ITPK1: variants seen among roughly 807,000 people sequenced by gnomAD.
The protein encoded by ITPK1 is inositol 1,3,4-trisphosphate 5/6-kinase.
In ITPK1, 21 loss-of-function variants were observed where a neutral mutation model predicts 45.3. The ratio of observed to expected loss-of-function variants is 0.46; its 90% confidence interval spans 0.33 to 0.67. The LOEUF is 0.67. Ranked by LOEUF, ITPK1 falls within the 30% of genes least tolerant of loss-of-function variation. ITPK1 has a pLI of 0.02. For synonymous variants in ITPK1, 258 were observed against 253.6 expected, an observed-to-expected ratio of 1.02 and a Z score of -0.16; for missense variants, 474 against 573.5, an observed-to-expected ratio of 0.83 and a Z score of 1.77.
chr14:93,108,068 T>C (rs995672254), intron 2 of ITPK1, among the ~76,000 whole-genome samples: 3 of 151,818 alleles, frequency 2.0e-5, no homozygotes, highest in Non-Finnish European at 2.9e-5. Context: ...TGTGTGACCA[T>C]GGGCCAGTTC....
chr14:93,099,049 T>C (rs1892202857), intron 2 of ITPK1, among the ~76,000 whole-genome samples: 1 of 152,134 alleles, frequency 6.6e-6, no homozygotes, highest in Non-Finnish European at 1.5e-5. Context: ...GGCCCTGATA[T>C]ATGGAACATC....
At chr14:93,092,708 C>T (rs1452596898) in intron 2 of ITPK1, among the ~76,000 whole-genome samples, 1 of 152,216 alleles carries the variant, frequency 6.6e-6, no homozygotes, top group African/African-American at 2.4e-5. Flanking sequence ...GTGGGGAACC[C>T]AGCCAAAGCT....
At chr14:92,971,796 C>A (rs1885667117) in intron 5 of ITPK1, among the ~76,000 whole-genome samples, 1 of 152,216 alleles carries the variant, frequency 6.6e-6, no homozygotes, top group Non-Finnish European at 1.5e-5. Flanking sequence ...GGGGTGGTTG[C>A]AGGGACGCGG....
chr14:92,988,283 C>A (rs1186847187), intron 5 of ITPK1, among the ~76,000 whole-genome samples: 1 of 152,212 alleles, frequency 6.6e-6, no homozygotes, highest in Admixed American at 6.5e-5. Context: ...CAGGTGCACA[C>A]CAAGGGGTCG....
intron 10 of ITPK1, among the ~76,000 whole-genome samples, chr14:92,942,636 G>C (rs552289722): frequency 6.6e-6 from 1 of 152,346 alleles, no homozygotes; most frequent in South Asian, 2.1e-4. Context: ...ACAAGCTCCA[G>C]GGCGCAGCAT....
chr14:92,977,547 C>T (rs1231276006), intron 5 of ITPK1, among the ~76,000 whole-genome samples: 4 of 152,076 alleles, frequency 2.6e-5, no homozygotes, highest in Non-Finnish European at 4.4e-5. Flanking sequence ...TTCCCAGCAT[C>T]GGGGGAGGAC....
intron 2 of ITPK1, among the ~76,000 whole-genome samples, chr14:93,108,083 G>A (rs970314779): frequency 6.6e-6 from 1 of 152,138 alleles, no homozygotes; most frequent in Non-Finnish European, 1.5e-5. Context: ...CAGTTCTCGG[G>A]AGTCCCACAC....
At chr14:93,030,542 C>T (rs958655331) in intron 3 of ITPK1, among the ~76,000 whole-genome samples, 1 of 152,152 alleles carries the variant, frequency 6.6e-6, no homozygotes, top group Non-Finnish European at 1.5e-5. Context: ...TGAAGATGAC[C>T]GCCAGGTCCC....
rs534295732 is a variant in ITPK1, at chr14:93,066,344, G to GC, written c.120+10250_120+10251insG. The GC allele has an allele frequency of 3.0e-3, 1,322 of 438,840 alleles. 23 individuals are homozygous for GC. Among genetic ancestry groups the GC allele is most frequent in the African/African-American group, 0.023 (1,142 of 49,134 alleles). The allele number at this position is 438,840 out of a possible 1,614,324, so 27.2% of individuals were successfully genotyped here. Reference sequence around the variant, plus strand: ...TATGTGTGTGTGTGTGTGTGTGTAGGGGGCAGAGGCGTCTGCTGGGAAAGC... The same window carrying GC: ...TATGTGTGTGTGTGTGTGTGTGTAGGCGGGCAGAGGCGTCTGCTGGGAAAGC... On this transcript the variant is annotated intron_variant, in intron 3 of 10. Transcript: ENST00000267615.
intron 2 of ITPK1, among the ~76,000 whole-genome samples, chr14:93,098,048 G>A (rs1892152928): frequency 6.6e-6 from 1 of 152,130 alleles, no homozygotes; most frequent in Non-Finnish European, 1.5e-5. Context: ...GCTGGGCCAG[G>A]TGGCTCATGC....
rs1210542131 is a variant in ITPK1, at chr14:92,962,367, G to A, written c.492C>T (p.Thr164=). ...FICKTRVAHG[T]NSHEMAIVFN... is the part of the protein sequence containing the mutation. ...TTCTTCCACTCACCTCGTGAGAGTT[G>A]GTGCCATGAGCCACTCTGGTTTTGC... Residue 164 remains threonine, a synonymous_variant, in exon 7 of 11, where the codon ACC becomes ACT. Coordinates refer to ENST00000267615, the MANE Select transcript of ITPK1 (RefSeq NM_014216.6). 1 of 1,610,424 alleles carries A rather than the reference G, an allele frequency of 6.2e-7. No homozygotes were observed. The highest frequency in any genetic ancestry group is 1.7e-5 in the Admixed American group (1 of 60,008).
At chr14:92,972,186 C>T (rs757567586) in intron 5 of ITPK1, among the ~76,000 whole-genome samples, 1 of 152,250 alleles carries the variant, frequency 6.6e-6, no homozygotes, top group African/African-American at 2.4e-5. Flanking sequence ...CCTTTCCAGG[C>T]CTCCGCAGCC....
intron 4 of ITPK1, among the ~76,000 whole-genome samples, chr14:93,002,920 C>G (rs932444162): frequency 5.3e-5 from 8 of 152,208 alleles, no homozygotes; most frequent in African/African-American, 1.7e-4. Context: ...GGACCAGAGG[C>G]TCTGCATCTC....
At chr14:93,066,351 A>G in intron 3 of ITPK1, 3 of 430,088 alleles carry the variant, frequency 7.0e-6, no homozygotes, top group Non-Finnish European at 1.4e-5. Flanking sequence ...TAGGGGGCAG[A>G]GGCGTCTGCT....
intron 2 of ITPK1, among the ~76,000 whole-genome samples, chr14:93,096,855 T>C (rs1468832303): frequency 1.3e-5 from 2 of 151,978 alleles, no homozygotes; most frequent in East Asian, 3.9e-4. Context: ...CAGGCCCCAA[T>C]CCAGGAACAA....
intron 4 of ITPK1, among the ~76,000 whole-genome samples, chr14:93,013,516 A>G (rs1888022722): frequency 6.6e-6 from 1 of 152,004 alleles, no homozygotes; most frequent in Non-Finnish European, 1.5e-5. Flanking sequence ...CCTGAGGAAC[A>G]TCTCAGAAAT....
At chr14:93,112,203 G>A (rs905693934) in intron 2 of ITPK1, among the ~76,000 whole-genome samples, 1 of 152,102 alleles carries the variant, frequency 6.6e-6, no homozygotes, top group Non-Finnish European at 1.5e-5. Context: ...GCAATCTCAA[G>A]GTAGCCAGGT....
Position 93,014,161 on chromosome 14 carries a change from G to A in ITPK1, c.246+2515C>T, listed in dbSNP as rs2139850125. 1.3e-5 allele frequency among the ~76,000 whole-genome samples: 2 copies of A among 152,330 alleles called. No homozygotes were observed. The highest frequency in any genetic ancestry group is 3.9e-4 in the East Asian group (2 of 5,186). The stretch of plus-strand genomic sequence containing the variant: ...AATATCAGTGCTGGGAGGTTATGGT[G>A]AGGTCACGGCAACCATCCCCCAAGA... On this transcript the variant is annotated intron_variant, in intron 4 of 10. Transcript: ENST00000267615. This position sits in a 1 kb window ranked among gnomAD's most constrained non-coding sequence, Gnocchi z 4.4.
intron 4 of ITPK1, among the ~76,000 whole-genome samples, chr14:93,003,607 G>A (rs370525535): frequency 1.1e-4 from 16 of 152,332 alleles, no homozygotes; most frequent in Admixed American, 5.2e-4. Context: ...TCCACTGTAC[G>A]CTGGGACAGG....
Sources: gnomAD v4.1 joint callset for allele counts (sites outside exome capture counted in the v4.1 genomes callset) on GRCh38, gnomAD v4.1.1 for gene constraint, Gnocchi (gnomAD v3.1) non-coding constraint, MANE v1.5 for transcripts, NCBI Gene and HGNC (gene_info 2026-07-23, HGNC 2026-07-21) for gene names.